The following OSBPL8 variants were observed in gnomAD, a reference collection of about 807,000 sequenced individuals.
The protein encoded by OSBPL8 is oxysterol binding protein like 8.
In OSBPL8, 59 loss-of-function variants were observed where a neutral mutation model predicts 125.5. The observed-to-expected ratio is 0.47, with a 90% CI of 0.38 to 0.58. The LOEUF (loss-of-function observed/expected upper bound fraction) is 0.58. Among genes scored for constraint, OSBPL8 ranks in the 20% least tolerant of loss-of-function variants. The pLI is 0.00. For missense variants in OSBPL8, 758 were observed against 1,047.8 expected (o/e 0.72, Z 3.82); for synonymous variants, 330 against 338.9 (o/e 0.97, Z 0.29).
intron 5 of OSBPL8, among the ~76,000 whole-genome samples, chr12:76,403,057 ATTAT>A (rs1317378838): frequency 6.6e-6 from 1 of 152,186 alleles, no homozygotes; most frequent in African/African-American, 2.4e-5. Flanking sequence ...AACATATATA[ATTAT>A]TTAGTTATTC....
chr12:76,363,717 C>T (rs1443151495), intron 21 of OSBPL8, among the ~76,000 whole-genome samples: 1 of 152,156 alleles, frequency 6.6e-6, no homozygotes, highest in African/African-American at 2.4e-5. Context: ...TCAGAGTGAA[C>T]AGGCAACCTA....
At position 76,390,578 on chromosome 12, in the gene OSBPL8, G is replaced by T. The variant is rs763489514; in HGVS notation, c.1009C>A (p.Gln337Lys). 2.5e-6 allele frequency: 4 copies of T among 1,613,444 alleles called. No homozygotes were observed. Among genetic ancestry groups the T allele is most frequent in the Non-Finnish European group, 2.5e-6 (3 of 1,179,754 alleles). Reference sequence around the variant, plus strand: ...TCATTATCAGACTCATCATGTTCTTGATCATTTTCTTTATCAGATTTATCA... The same window carrying T: ...TCATTATCAGACTCATCATGTTCTTTATCATTTTCTTTATCAGATTTATCA... ...YSDKSDKEND[Q>K]EHDESDNEVM... Residue 337 changes from glutamine (Q) to lysine (K), a missense_variant, in exon 11 of 24, where the codon CAA becomes AAA. Physicochemically the swap from Gln to Lys is moderately conservative, Grantham distance 53. Around this residue, in one of 3 missense-constraint regions of OSBPL8, gnomAD observed 572 missense variants for 762.0 expected, o/e 0.75. Coordinates refer to ENST00000261183, the MANE Select transcript of OSBPL8 (RefSeq NM_020841.5).
intron 21 of OSBPL8, among the ~76,000 whole-genome samples, chr12:76,368,725 A>G (rs1159857182): frequency 6.6e-6 from 1 of 152,076 alleles, no homozygotes; most frequent in Non-Finnish European, 1.5e-5. Context: ...CAGCTCCAGA[A>G]TTTGTTTGGC....
chr12:76,389,519 A>C, intron 12 of OSBPL8, 126 bp downstream of exon 12: 1 of 697,024 alleles, frequency 1.4e-6, no homozygotes, highest in Non-Finnish European at 2.2e-6. Flanking sequence ...CAGAAGTGGT[A>C]GAGAACAGAG....
chr12:76,443,724 C>T (rs1252505949), intron 4 of OSBPL8, among the ~76,000 whole-genome samples: 1 of 152,096 alleles, frequency 6.6e-6, no homozygotes, highest in African/African-American at 2.4e-5. Flanking sequence ...CCAGGCTGGT[C>T]TCAAATTCCT....
intron 2 of OSBPL8, among the ~76,000 whole-genome samples, chr12:76,479,564 G>A (rs951994224): frequency 6.6e-6 from 1 of 152,054 alleles, no homozygotes; most frequent in African/African-American, 2.4e-5. Context: ...GAGAGAATCA[G>A]ACATTATGTG....
chr12:76,390,645 A>C lies in OSBPL8; in HGVS notation c.942T>G (p.Ser314Arg). 2 of 1,608,898 alleles carry C rather than the reference A, an allele frequency of 1.2e-6. No individual in the cohort carries two copies. The highest frequency in any genetic ancestry group is 1.7e-6 in the Non-Finnish European group (2 of 1,175,906). ...CCTTAAAATGTTGTCGTTCAATTTC[A>C]CTATCATTTAACCTTAAGGGAAAGA... Reference protein sequence around the residue: ...HSGDNFQLNDSEIERQHFKDQ... With the variant: ...HSGDNFQLNDREIERQHFKDQ... Residue 314 changes from serine (S) to arginine (R), a missense_variant, in exon 11 of 24, where the codon AGT becomes AGG. Around this residue, in one of 3 missense-constraint regions of OSBPL8, gnomAD observed 572 missense variants for 762.0 expected, o/e 0.75. Coordinates refer to ENST00000261183, the MANE Select transcript of OSBPL8 (RefSeq NM_020841.5).
intron 3 of OSBPL8, among the ~76,000 whole-genome samples, chr12:76,455,724 A>G (rs982604111): frequency 1.3e-5 from 2 of 152,238 alleles, no homozygotes; most frequent in African/African-American, 4.8e-5. Flanking sequence ...GGAATATAAA[A>G]ATCATTATGA....
At chr12:76,398,877 T>C (rs1475931933) in intron 7 of OSBPL8, among the ~76,000 whole-genome samples, 3 of 152,092 alleles carry the variant, frequency 2.0e-5, no homozygotes, top group African/African-American at 7.2e-5. Context: ...GGGAGATAGG[T>C]ACCCTGAAAT....
intron 12 of OSBPL8, 21 bp from the exon 13 acceptor site, chr12:76,386,681 C>CA: frequency 1.3e-6 from 2 of 1,550,804 alleles, no homozygotes; most frequent in Non-Finnish European, 1.8e-6. Flanking sequence ...AAACGGTAAA[C>CA]AAAAATTTTA....
chr12:76,409,873 C>G (rs1330896157), intron 5 of OSBPL8, among the ~76,000 whole-genome samples: 1 of 152,138 alleles, frequency 6.6e-6, no homozygotes, highest in Non-Finnish European at 1.5e-5. Flanking sequence ...AGTTATCTTA[C>G]AGTCATTGAA....
chr12:76,546,103 A>G (rs1213463519), intron 1 of OSBPL8, among the ~76,000 whole-genome samples: 1 of 152,150 alleles, frequency 6.6e-6, no homozygotes, highest in Non-Finnish European at 1.5e-5. Flanking sequence ...ACTTCTATGC[A>G]CGGATTTTGT....
At chr12:76,421,175 T>C (rs1869431750) in intron 4 of OSBPL8, among the ~76,000 whole-genome samples, 1 of 151,816 alleles carries the variant, frequency 6.6e-6, no homozygotes, top group Non-Finnish European at 1.5e-5. Flanking sequence ...GCCTAAAAAA[T>C]GCAAACAAAG....
chr12:76,435,550 A>G (rs1455532248), intron 4 of OSBPL8, among the ~76,000 whole-genome samples: 2 of 152,180 alleles, frequency 1.3e-5, no homozygotes, highest in Non-Finnish European at 1.5e-5. Flanking sequence ...CTCACAACAC[A>G]TGCCAAAAAA....
At chr12:76,442,673 CAT>C (rs1872323251) in intron 4 of OSBPL8, among the ~76,000 whole-genome samples, 1 of 152,116 alleles carries the variant, frequency 6.6e-6, no homozygotes, top group South Asian at 2.1e-4. Context: ...CAAAATATAA[CAT>C]ATTCAAGAAC....
chr12:76,488,776 T>C (rs1007462763), intron 1 of OSBPL8, among the ~76,000 whole-genome samples: 19 of 152,172 alleles, frequency 1.2e-4, no homozygotes, highest in Non-Finnish European at 2.6e-4. Flanking sequence ...ATATTGAAAT[T>C]AGTCCAATTA....
Position 76,396,176 on chromosome 12 carries a change from C to T in OSBPL8, c.673-1447G>A, listed in dbSNP as rs569529198. On this transcript the variant is annotated intron_variant, in intron 8 of 23. Coordinates refer to ENST00000261183, the MANE Select transcript of OSBPL8 (RefSeq NM_020841.5). ...AGAGGTTCGGGGGGTTAAATTCTTT[C>T]CCCTGCAGGAAGCACCTAACCTCAG... 3.9e-5 allele frequency among the ~76,000 whole-genome samples: 6 copies of T among 152,066 alleles called. No homozygotes were observed. The East Asian group carries it at 1.2e-3, about 29-fold the overall frequency.
chr12:76,530,925 C>T (rs1455002483), intron 1 of OSBPL8, among the ~76,000 whole-genome samples: 1 of 152,182 alleles, frequency 6.6e-6, no homozygotes, highest in Middle Eastern at 3.2e-3. Context: ...CAATGAACTA[C>T]ATAAATGAAC....
intron 2 of OSBPL8, among the ~76,000 whole-genome samples, chr12:76,479,489 T>C (rs1390738264): frequency 6.6e-6 from 1 of 152,198 alleles, no homozygotes; most frequent in African/African-American, 2.4e-5. Flanking sequence ...AATTCTAATG[T>C]ATACCACTAT....
Sources: allele counts gnomAD v4.1 joint callset (sites outside exome capture counted in the v4.1 genomes callset), GRCh38; gene constraint gnomAD v4.1.1; regional missense constraint gnomAD v4.1.1; transcripts MANE v1.5; gene names NCBI Gene and HGNC (gene_info 2026-07-23, HGNC 2026-07-21).